Variants in ADAMTSL1 observed in about 807,000 individuals in gnomAD.
The protein encoded by ADAMTSL1 is ADAMTS like 1.
A neutral mutation model predicts 201.8 loss-of-function variants in ADAMTSL1; 126 were observed. The observed-to-expected ratio is 0.62, with a 90% CI of 0.54 to 0.72. The LOEUF is 0.72. ADAMTSL1 is among the 30% of genes least tolerant of loss of function. The pLI is 0.00. For missense variants in ADAMTSL1, 2,679 were observed against 2,277.8 expected (o/e 1.18, Z -3.59); for synonymous variants, 1,121 against 903.4 (o/e 1.24, Z -4.32).
At chr9:18,888,199 T>G (rs1321039637) in intron 24 of ADAMTSL1, among the ~76,000 whole-genome samples, 156 bp downstream of exon 24, 1 of 152,218 alleles carries the variant, frequency 6.6e-6, no homozygotes. Flanking sequence ...GAGACCCTAC[T>G]TCTGTCAACA....
chr9:18,826,537 T>G (rs1203078745), intron 22 of ADAMTSL1, 74 bp downstream of exon 22: 1 of 1,512,556 alleles, frequency 6.6e-7, no homozygotes, highest in East Asian at 2.4e-5. Context: ...TCTACCTCCT[T>G]TGTGCCCTAA....
At chr9:18,064,476 G>A (rs1280177248) in intron 1 of ADAMTSL1, among the ~76,000 whole-genome samples, 1 of 152,176 alleles carries the variant, frequency 6.6e-6, no homozygotes, top group Non-Finnish European at 1.5e-5. Flanking sequence ...CTATCTATAG[G>A]AACATAAAGT....
chr9:18,430,342 G>A (rs138734841), intron 2 of ADAMTSL1, among the ~76,000 whole-genome samples: 51 of 152,194 alleles, frequency 3.4e-4, no homozygotes, highest in African/African-American at 9.9e-4. Flanking sequence ...AAGTGTGCTC[G>A]CCTGAGTTCT....
chr9:18,173,858 T>C (rs1828016950), intron 2 of ADAMTSL1, among the ~76,000 whole-genome samples: 1 of 152,178 alleles, frequency 6.6e-6, no homozygotes. Flanking sequence ...AAGAGAACTT[T>C]GTCAATAATG....
chr9:18,324,148 C>T (rs919517048), intron 2 of ADAMTSL1, among the ~76,000 whole-genome samples: 2 of 152,014 alleles, frequency 1.3e-5, no homozygotes, highest in Non-Finnish European at 2.9e-5. Context: ...AGAATTGAGA[C>T]CAGAAATATA....
chr9:18,138,975 C>T lies in ADAMTSL1; in HGVS notation c.88-24887C>T, dbSNP rs549354016. On this transcript the variant is annotated intron_variant, in intron 1 of 29. Coordinates refer to the ADAMTSL1 transcript ENST00000680146. ...ATGAGGAAGACTGATAATCTGGAGA[C>T]GTGGATTTTACTTGTGTCTGCCACT... Among the ~76,000 whole-genome samples the T allele has an allele frequency of 1.1e-4, 16 of 152,154 alleles. No homozygotes were observed. The East Asian group carries it at 2.5e-3, about 24-fold the overall frequency.
chr9:18,010,030 C>G (rs1242943936), intron 1 of ADAMTSL1, among the ~76,000 whole-genome samples: 1 of 152,142 alleles, frequency 6.6e-6, no homozygotes, highest in East Asian at 1.9e-4. Flanking sequence ...TAAACTCAAT[C>G]TAAGAATAAT....
At chr9:18,473,560 G>C (rs1487369498), upstream of ADAMTSL1, among the ~76,000 whole-genome samples, 2 of 152,146 alleles carry the variant, frequency 1.3e-5, no homozygotes, top group African/African-American at 4.8e-5. Context: ...TTCAGAAAAT[G>C]TATAGAGTAT....
intron 21 of ADAMTSL1, 89 bp downstream of exon 21, chr9:18,817,326 C>T: frequency 7.4e-7 from 1 of 1,358,730 alleles, no homozygotes; most frequent in South Asian, 1.4e-5. Flanking sequence ...AAATTCTACT[C>T]TCAGGGATAT....
chr9:18,655,406 T>C (rs1466035788), intron 7 of ADAMTSL1, among the ~76,000 whole-genome samples: 3 of 152,282 alleles, frequency 2.0e-5, no homozygotes, highest in African/African-American at 7.2e-5. Flanking sequence ...AAGAGCTTGG[T>C]TCAAATACTC....
chr9:18,370,603 T>A (rs867569917), intron 2 of ADAMTSL1, among the ~76,000 whole-genome samples: 12 of 152,322 alleles, frequency 7.9e-5, no homozygotes, highest in Middle Eastern at 3.4e-3. Context: ...CTTCATTTTA[T>A]TTATCATTAC....
chr9:17,947,400 A>C lies in ADAMTSL1; in HGVS notation c.87+40478A>C, dbSNP rs540097615. On this transcript the variant is annotated intron_variant, in intron 1 of 29. Coordinates refer to the ADAMTSL1 transcript ENST00000680146. ...CTATAGCTATTTTGATTAGTAGACT[A>C]TCACAGTTTGGGCACAATTTCAAAT... Among the ~76,000 whole-genome samples, 7 of 151,714 alleles carry C rather than the reference A, an allele frequency of 4.6e-5. 1 individual carries two copies. In the South Asian group the frequency reaches 1.5e-3, roughly 32 times the overall value.
At chr9:17,973,708 A>G (rs1421553831) in intron 1 of ADAMTSL1, among the ~76,000 whole-genome samples, 5 of 122,398 alleles carry the variant, frequency 4.1e-5, no homozygotes, top group East Asian at 2.5e-4. Context: ...GAAGAAAGTC[A>G]CTGGTAGCTT....
At chr9:18,595,310 G>A (rs528843751) in intron 4 of ADAMTSL1, among the ~76,000 whole-genome samples, 1 of 152,218 alleles carries the variant, frequency 6.6e-6, no homozygotes, top group African/African-American at 2.4e-5. Context: ...GGAGGCTGGT[G>A]GTCTGTCTTA....
intron 1 of ADAMTSL1, among the ~76,000 whole-genome samples, chr9:18,154,990 G>C (rs556726205): frequency 6.6e-6 from 1 of 152,104 alleles, no homozygotes; most frequent in African/African-American, 2.4e-5. Context: ...GAGGGTTGCT[G>C]GTGGGTGGTG....
intron 2 of ADAMTSL1, among the ~76,000 whole-genome samples, chr9:18,182,958 A>G (rs181405102): frequency 4.6e-4 from 70 of 152,296 alleles, no homozygotes; most frequent in Non-Finnish European, 6.6e-4. Flanking sequence ...TCTGGCTGTA[A>G]TGATCATATA....
chr9:18,090,691 A>G (rs1823974067), intron 1 of ADAMTSL1, among the ~76,000 whole-genome samples: 1 of 152,222 alleles, frequency 6.6e-6, no homozygotes, highest in Admixed American at 6.5e-5. Context: ...TTACAACAAT[A>G]TGAATATACT....
chr9:18,073,009 G>C (rs1823035531), intron 1 of ADAMTSL1, among the ~76,000 whole-genome samples: 1 of 152,172 alleles, frequency 6.6e-6, no homozygotes, highest in Non-Finnish European at 1.5e-5. Flanking sequence ...CAACGAAGCT[G>C]ATATTTAGTT....
At chr9:18,194,561 T>C (rs941185689) in intron 2 of ADAMTSL1, among the ~76,000 whole-genome samples, 2 of 152,030 alleles carry the variant, frequency 1.3e-5, no homozygotes, top group Non-Finnish European at 2.9e-5. Flanking sequence ...GGAGAATGAG[T>C]TGAGATTCCT....
Sources: allele counts gnomAD v4.1 joint callset (sites outside exome capture counted in the v4.1 genomes callset), GRCh38; gene constraint gnomAD v4.1.1; transcripts MANE v1.5; gene names NCBI Gene and HGNC (gene_info 2026-07-23, HGNC 2026-07-21).